Variants in PRKD3 observed in about 807,000 individuals in gnomAD.
PRKD3 encodes serine/threonine-protein kinase D3.
A neutral mutation model predicts 99.2 loss-of-function variants in PRKD3; 47 were observed. The observed-to-expected ratio is 0.47, with a 90% confidence interval of 0.38 to 0.60. The LOEUF is 0.60. Ranked by LOEUF, PRKD3 falls within the 20% of genes least tolerant of loss-of-function variation. The pLI is 0.00. For synonymous variants in PRKD3, 392 were observed against 355.4 expected (o/e 1.10, Z -1.16); for missense variants, 1,019 against 1,088.4 (o/e 0.94, Z 0.90).
intron 4 of PRKD3, among the ~76,000 whole-genome samples, chr2:37,290,464 C>T (rs1287556761): frequency 6.6e-6 from 1 of 152,190 alleles, no homozygotes; most frequent in African/African-American, 2.4e-5. Context: ...AAACTCCTGA[C>T]CTCAGGTGAT....
intron 1 of PRKD3, 109 bp from the exon 2 acceptor site, chr2:37,317,288 A>G: frequency 2.6e-6 from 1 of 385,300 alleles, no homozygotes; most frequent in Non-Finnish European, 3.6e-6. Flanking sequence ...TATGCTTATA[A>G]TTCACTAATA....
chr2:37,292,134 T>C (rs1329377519), intron 3 of PRKD3, among the ~76,000 whole-genome samples: 2 of 152,194 alleles, frequency 1.3e-5, no homozygotes, highest in African/African-American at 4.8e-5. Context: ...ATATCTTCAT[T>C]ACTTCTTTTT....
chr2:37,276,840 A>T (rs1054693835), intron 9 of PRKD3, among the ~76,000 whole-genome samples: 4 of 132,852 alleles, frequency 3.0e-5, no homozygotes, highest in African/African-American at 8.6e-5. Flanking sequence ...TCATATATAT[A>T]CATATATATA....
chr2:37,301,411 T>C (rs1296773593), intron 2 of PRKD3, among the ~76,000 whole-genome samples: 4 of 152,072 alleles, frequency 2.6e-5, no homozygotes, highest in Non-Finnish European at 4.4e-5. Context: ...AGAAAATATT[T>C]TGGCAAACTA....
chr2:37,269,362 ATG>A (rs1442666864), intron 13 of PRKD3: 2 of 464,242 alleles, frequency 4.3e-6, no homozygotes, highest in Non-Finnish European at 7.9e-6. Flanking sequence ...AAACATCTGT[ATG>A]TGTGAGCTAC....
At chr2:37,263,868 A>G (rs754030328) in intron 14 of PRKD3, among the ~76,000 whole-genome samples, 2 of 152,154 alleles carry the variant, frequency 1.3e-5, no homozygotes, top group Non-Finnish European at 2.9e-5. Context: ...ACTTCTGTTA[A>G]TCATTTTTCT....
At chr2:37,311,282 C>G (rs949948850) in intron 2 of PRKD3, among the ~76,000 whole-genome samples, 3 of 152,182 alleles carry the variant, frequency 2.0e-5, no homozygotes, top group African/African-American at 7.2e-5. Context: ...GGTGACAGCT[C>G]TCCTTCCTGA....
chr2:37,308,556 G>GC (rs2124886041), intron 2 of PRKD3, among the ~76,000 whole-genome samples: 1 of 107,258 alleles, frequency 9.3e-6, no homozygotes, highest in Non-Finnish European at 1.7e-5. Context: ...CAGAGTTCAA[G>GC]CGATTCTCCT....
At chr2:37,304,196 T>TAAAAAAAAAAAAAAAAA (rs70949750) in intron 2 of PRKD3, among the ~76,000 whole-genome samples, 1 of 93,972 alleles carries the variant, frequency 1.1e-5, no homozygotes, top group Non-Finnish European at 2.1e-5. Flanking sequence ...AGGTACTTAC[T>TAAAAAAAAAAAAAAAAA]AAAAAAAAAA....
chr2:37,267,384 C>G, intron 14 of PRKD3, 46 bp downstream of exon 14: 1 of 1,206,552 alleles, frequency 8.3e-7, no homozygotes, highest in Non-Finnish European at 1.2e-6. Flanking sequence ...AATTCAGATT[C>G]TTACCAGCCT....
intron 2 of PRKD3, among the ~76,000 whole-genome samples, chr2:37,295,667 G>T (rs1283580827): frequency 6.6e-6 from 1 of 152,142 alleles, no homozygotes; most frequent in East Asian, 1.9e-4. Context: ...GGAGTTATAG[G>T]CTGGCTTTAT....
intron 13 of PRKD3, chr2:37,269,091 T>TA (rs1020651805): frequency 1.3e-5 from 2 of 156,062 alleles, no homozygotes; most frequent in African/African-American, 4.8e-5. Context: ...ATTTAAGCCC[T>TA]ATGAGCTACA....
At chr2:37,306,440 T>C (rs1233278026) in intron 2 of PRKD3, among the ~76,000 whole-genome samples, 2 of 152,332 alleles carry the variant, frequency 1.3e-5, no homozygotes, top group South Asian at 2.1e-4. Context: ...TATGAAGATA[T>C]AGGAACTTTT....
At chr2:37,257,671 GAAAAAAAAA>G (rs1164110574) in intron 16 of PRKD3, among the ~76,000 whole-genome samples, 1 of 28,540 alleles carries the variant, frequency 3.5e-5, no homozygotes, top group African/African-American at 1.5e-4. Flanking sequence ...TGTCTCAAAA[GAAAAAAAAA>G]AAAAAAAAAA....
At chr2:37,307,155 C>A (rs1044837599) in intron 2 of PRKD3, among the ~76,000 whole-genome samples, 3 of 152,116 alleles carry the variant, frequency 2.0e-5, no homozygotes, top group Non-Finnish European at 4.4e-5. Context: ...CCAGACATTG[C>A]CAAATGTTCC....
At chr2:37,299,245 T>C (rs967127338) in intron 2 of PRKD3, among the ~76,000 whole-genome samples, 23 of 152,192 alleles carry the variant, frequency 1.5e-4, no homozygotes, top group African/African-American at 5.5e-4. Flanking sequence ...GATTTGCGTA[T>C]GCTGAACCAT....
chr2:37,255,296 C>A (rs937195390), intron 17 of PRKD3, among the ~76,000 whole-genome samples: 3 of 126,684 alleles, frequency 2.4e-5, no homozygotes, highest in Non-Finnish European at 3.3e-5. Context: ...TATGATTAGG[C>A]CTAGTACTTT....
intron 15 of PRKD3, 43 bp from the exon 16 acceptor site, chr2:37,259,724 CAAGT>C: frequency 1.5e-6 from 2 of 1,368,324 alleles, no homozygotes; most frequent in Non-Finnish European, 2.1e-6. Flanking sequence ...TGGAAAATCA[CAAGT>C]AAACCTCATG....
At chr2:37,262,795 G>C (rs1245182753) in intron 14 of PRKD3, among the ~76,000 whole-genome samples, 1 of 151,802 alleles carries the variant, frequency 6.6e-6, no homozygotes, top group Non-Finnish European at 1.5e-5. Context: ...ATTTCCTCTG[G>C]AGTATGTTTT....
Sources: gnomAD v4.1 joint callset for allele counts (sites outside exome capture counted in the v4.1 genomes callset) on GRCh38, gnomAD v4.1.1 for gene constraint, MANE v1.5 for transcripts, NCBI Gene and HGNC (gene_info 2026-07-23, HGNC 2026-07-21) for gene names.